Variants in PEBP4 observed in about 807,000 individuals in gnomAD.
PEBP4 encodes phosphatidylethanolamine binding protein 4.
Under a neutral mutation model 23.9 loss-of-function variants are expected in PEBP4, and 22 were observed. The ratio of observed to expected loss-of-function variants is 0.92; its 90% confidence interval spans 0.66 to 1.31. PEBP4 has a LOEUF of 1.31. Among genes scored for constraint, PEBP4 ranks in the 40% most tolerant of loss-of-function variants. PEBP4 has a pLI of 0.00. For missense variants in PEBP4, 324 were observed against 281.7 expected (o/e 1.15, Z -1.07); for synonymous variants, 112 against 99.3 (o/e 1.13, Z -0.76).
chr8:22,920,633 G>A (rs1030513810), intron 2 of PEBP4, among the ~76,000 whole-genome samples: 4 of 152,176 alleles, frequency 2.6e-5, no homozygotes, highest in African/African-American at 9.7e-5. Context: ...TACTTCCCTA[G>A]AAGAACAGAT....
chr8:22,727,091 A>T, intron 5 of PEBP4, 84 bp downstream of exon 5: 1 of 1,480,924 alleles, frequency 6.8e-7, no homozygotes, highest in East Asian at 2.3e-5. Flanking sequence ...CTAGCACACG[A>T]CAAAGCAGCA....
At chr8:22,896,687 A>G (rs1563252888) in intron 3 of PEBP4, among the ~76,000 whole-genome samples, 2 of 152,188 alleles carry the variant, frequency 1.3e-5, no homozygotes. Context: ...AGCCCTTGGT[A>G]GAAACAGCAT....
chr8:22,828,453 G>A (rs1807019243), intron 3 of PEBP4, among the ~76,000 whole-genome samples: 2 of 152,248 alleles, frequency 1.3e-5, no homozygotes, highest in Admixed American at 1.3e-4. Flanking sequence ...AACTGCCACT[G>A]ACAACAAGCC....
At chr8:22,841,167 C>T (rs909411507) in intron 3 of PEBP4, among the ~76,000 whole-genome samples, 1 of 152,232 alleles carries the variant, frequency 6.6e-6, no homozygotes, top group Non-Finnish European at 1.5e-5. Flanking sequence ...GAGTAACTTG[C>T]CCAAGGGCAC....
chr8:22,863,690 G>T (rs1807826445), intron 3 of PEBP4, among the ~76,000 whole-genome samples: 1 of 152,300 alleles, frequency 6.6e-6, no homozygotes, highest in East Asian at 1.9e-4. Flanking sequence ...GTCGTTGCTA[G>T]TTGCCATAGC....
chr8:22,864,087 A>G (rs548461073), intron 3 of PEBP4, among the ~76,000 whole-genome samples: 1 of 152,232 alleles, frequency 6.6e-6, no homozygotes, highest in South Asian at 2.1e-4. Context: ...CACACAGAAC[A>G]TCTTCACCTC....
chr8:22,898,446 G>C (rs1808641471), intron 3 of PEBP4, among the ~76,000 whole-genome samples: 1 of 136,762 alleles, frequency 7.3e-6, no homozygotes, highest in Non-Finnish European at 1.5e-5. Flanking sequence ...CCCAGTCTAT[G>C]GTATTTTGTT....
chr8:22,799,531 G>A (rs1382495064), intron 4 of PEBP4, among the ~76,000 whole-genome samples: 3 of 152,202 alleles, frequency 2.0e-5, no homozygotes, highest in Non-Finnish European at 4.4e-5. Flanking sequence ...CTCACAAAAT[G>A]CCAAATTTTG....
intron 4 of PEBP4, among the ~76,000 whole-genome samples, chr8:22,815,302 G>A (rs748049179): frequency 1.5e-4 from 23 of 152,184 alleles, no homozygotes; most frequent in South Asian, 2.1e-4. Context: ...CCAGAATGCC[G>A]TGTTCTCCCC....
At chr8:22,772,743 T>C (rs1805741254) in intron 4 of PEBP4, among the ~76,000 whole-genome samples, 1 of 152,164 alleles carries the variant, frequency 6.6e-6, no homozygotes, top group South Asian at 2.1e-4. Context: ...GGCCCTACTG[T>C]CTCCTCTACC....
At chr8:22,936,859 G>A (rs914839631) in intron 1 of PEBP4, among the ~76,000 whole-genome samples, 1 of 152,058 alleles carries the variant, frequency 6.6e-6, no homozygotes, top group African/African-American at 2.4e-5. Flanking sequence ...AATACTACAT[G>A]GTCATCTCAA....
intron 3 of PEBP4, among the ~76,000 whole-genome samples, chr8:22,827,837 T>C (rs1807004386): frequency 1.3e-5 from 2 of 152,254 alleles, no homozygotes; most frequent in African/African-American, 2.4e-5. Context: ...TGCTCCATTT[T>C]ACAATTCCAC....
chr8:22,844,288 G>A (rs1807382859), intron 3 of PEBP4, among the ~76,000 whole-genome samples: 1 of 152,168 alleles, frequency 6.6e-6, no homozygotes, highest in Non-Finnish European at 1.5e-5. Flanking sequence ...TGCCCAGGCT[G>A]GAGTGCAAAG....
chr8:22,880,899 A>ACGGGGC (rs1442999190), intron 3 of PEBP4, among the ~76,000 whole-genome samples: 1 of 152,204 alleles, frequency 6.6e-6, no homozygotes, highest in South Asian at 2.1e-4. Context: ...AAGGGGAAGC[A>ACGGGGC]CGGGGCCAGG....
At chr8:22,774,762 C>A (rs1805782111) in intron 4 of PEBP4, among the ~76,000 whole-genome samples, 1 of 152,196 alleles carries the variant, frequency 6.6e-6, no homozygotes, top group African/African-American at 2.4e-5. Flanking sequence ...TCCTGGCCAT[C>A]CCCGAGGCTG....
At chr8:22,864,146 G>C (rs1471614244) in intron 3 of PEBP4, among the ~76,000 whole-genome samples, 1 of 152,152 alleles carries the variant, frequency 6.6e-6, no homozygotes, top group South Asian at 2.1e-4. Flanking sequence ...TTCGTGAACT[G>C]CTCTCAGGCC....
At chr8:22,794,020 G>T (rs1585275920) in intron 4 of PEBP4, among the ~76,000 whole-genome samples, 1 of 152,256 alleles carries the variant, frequency 6.6e-6, no homozygotes, top group Non-Finnish European at 1.5e-5. Flanking sequence ...AGTTGGGGAG[G>T]GGTAGGGAGA....
intron 3 of PEBP4, among the ~76,000 whole-genome samples, chr8:22,906,448 A>G (rs984524075): frequency 6.6e-6 from 1 of 152,192 alleles, no homozygotes; most frequent in Non-Finnish European, 1.5e-5. Flanking sequence ...TTCCTCTTCA[A>G]CCAGGGATAA....
chr8:22,758,042 T>C (rs1805428439), intron 4 of PEBP4: 1 of 152,256 alleles, frequency 6.6e-6, no homozygotes, highest in South Asian at 2.1e-4. Context: ...CTCTCAGCTT[T>C]TCCATTTTTC....
Sources: allele counts gnomAD v4.1 joint callset (sites outside exome capture counted in the v4.1 genomes callset), GRCh38; gene constraint gnomAD v4.1.1; transcripts MANE v1.5; gene names NCBI Gene and HGNC (gene_info 2026-07-23, HGNC 2026-07-21).